Variants in EYS observed in about 807,000 individuals in gnomAD.
EYS encodes EGF-like photoreceptor maintenance factor.
EYS carries 250 observed loss-of-function variants against 282.1 expected under a neutral mutation model. The ratio of observed to expected loss-of-function variants is 0.89; its 90% CI spans 0.80 to 0.98. The LOEUF (loss-of-function observed/expected upper bound fraction) is 0.98, where lower values mean the gene tolerates loss of function less well. Ranked by LOEUF, EYS falls within the 50% of genes least tolerant of loss-of-function variation. The pLI, the probability that EYS is intolerant of heterozygous loss-of-function variation, is 0.00. For synonymous variants in EYS, 1,355 were observed against 1,282.9 expected, an observed-to-expected ratio of 1.06 and a Z score of -1.20; for missense variants, 4,016 against 3,709.0, an observed-to-expected ratio of 1.08 and a Z score of -2.15.
At chr6:65,264,988 T>C (rs377213857) in intron 12 of EYS, among the ~76,000 whole-genome samples, 2 of 151,990 alleles carry the variant, frequency 1.3e-5, no homozygotes, top group East Asian at 3.9e-4. Flanking sequence ...ATTGCATTGA[T>C]TTTTACCCTC....
intron 37 of EYS, among the ~76,000 whole-genome samples, chr6:63,798,965 ATATATATATATGTATATGTGTG>A (rs1318072566): frequency 0.021 from 2,635 of 123,762 alleles, 35 homozygotes; most frequent in East Asian, 0.066. Context: ...GTATATGTGT[ATATATATATATGTATATGTGTG>A]TATATATATA....
intron 31 of EYS, among the ~76,000 whole-genome samples, chr6:64,125,154 G>GCGCGCGCGCGCTCTC (rs1773724746): frequency 2.8e-5 from 4 of 145,332 alleles, no homozygotes; most frequent in African/African-American, 1.0e-4. Context: ...CACACTCTCT[G>GCGCGCGCGCGCTCTC]TCTCTCTCTC....
intron 2 of EYS, among the ~76,000 whole-genome samples, chr6:65,517,817 T>A (rs546576555): frequency 6.6e-6 from 1 of 152,070 alleles, no homozygotes; most frequent in Non-Finnish European, 1.5e-5. Context: ...AATAAAAAAA[T>A]TCAAGAATAT....
At chr6:64,316,019 C>G (rs775846529) in intron 29 of EYS, among the ~76,000 whole-genome samples, 46 of 152,248 alleles carry the variant, frequency 3.0e-4, no homozygotes, top group Non-Finnish European at 4.9e-4. Flanking sequence ...ATTCAACAAC[C>G]CTTCATGCTA....
intron 33 of EYS, among the ~76,000 whole-genome samples, chr6:64,032,054 A>C (rs575340941): frequency 6.6e-6 from 1 of 151,994 alleles, no homozygotes; most frequent in East Asian, 1.9e-4. Context: ...CTGCAGCTTC[A>C]CCCCTGAAGC....
chr6:64,827,883 A>G (rs1489667513), intron 19 of EYS, among the ~76,000 whole-genome samples: 2 of 151,924 alleles, frequency 1.3e-5, no homozygotes, highest in Non-Finnish European at 2.9e-5. Context: ...ATCAAAAATT[A>G]TGAAATGTAA....
rs1011725679 is a variant in EYS, at chr6:64,639,464, T to C, written c.3444-13219A>G. 2.2e-4 allele frequency among the ~76,000 whole-genome samples: 20 copies of C among 91,376 alleles called. 8 individuals carry two copies. Among genetic ancestry groups the C allele is most frequent in the Non-Finnish European group, 3.3e-4 (14 of 42,428 alleles). 59.9% of individuals were successfully genotyped at this position (91,376 alleles called of 152,430 possible). A position where few individuals can be genotyped will look rare whatever the true frequency, so the allele number is the denominator to read the frequency against. ...TCTTAATATACAAACCTTGAAACAT[T>C]CTATAAATTAAAAAGCGTTTTGCAG... On this transcript the variant is annotated intron_variant, in intron 22 of 42. Transcript: ENST00000503581.
chr6:63,919,689 G>T (rs1764516877), intron 35 of EYS, among the ~76,000 whole-genome samples: 1 of 152,218 alleles, frequency 6.6e-6, no homozygotes, highest in Non-Finnish European at 1.5e-5. Flanking sequence ...TAGGTGAAAG[G>T]AAAGTGGCGA....
At chr6:64,936,980 G>A (rs1768928140) in intron 15 of EYS, among the ~76,000 whole-genome samples, 1 of 151,406 alleles carries the variant, frequency 6.6e-6, no homozygotes, top group Admixed American at 6.6e-5. Flanking sequence ...ATAGAATAGA[G>A]GGTCTAGAAA....
chr6:64,925,973 G>A (rs969089244), intron 15 of EYS, among the ~76,000 whole-genome samples: 1 of 152,156 alleles, frequency 6.6e-6, no homozygotes, highest in Admixed American at 6.5e-5. Context: ...CCCAGGATGG[G>A]GAATGAGAGA....
At chr6:65,329,971 A>G (rs1325344410) in intron 11 of EYS, 2 of 979,496 alleles carry the variant, frequency 2.0e-6, no homozygotes, top group Admixed American at 6.2e-5. Flanking sequence ...TACACAGAAA[A>G]TGTGAATCTC....
chr6:64,594,869 A>G (rs796790721), intron 24 of EYS, among the ~76,000 whole-genome samples: 7 of 151,980 alleles, frequency 4.6e-5, no homozygotes, highest in African/African-American at 1.4e-4. Flanking sequence ...ATTATATAAA[A>G]AAAAGAAAAG....
chr6:64,572,610 A>T (rs1328839843), intron 26 of EYS, among the ~76,000 whole-genome samples: 4 of 152,214 alleles, frequency 2.6e-5, no homozygotes, highest in Admixed American at 2.0e-4. Context: ...CAAAAATCAC[A>T]AGCATTCCTA....
chr6:64,251,941 A>T (rs1322619054), intron 30 of EYS, among the ~76,000 whole-genome samples: 3 of 152,164 alleles, frequency 2.0e-5, no homozygotes, highest in Non-Finnish European at 2.9e-5. Context: ...AGGAGATTTC[A>T]AGGTGGAAAA....
At chr6:65,405,068 A>G (rs990405489) in intron 6 of EYS, 106 bp downstream of exon 6, 2 of 800,884 alleles carry the variant, frequency 2.5e-6, no homozygotes, top group Non-Finnish European at 4.1e-6. Flanking sequence ...GAGTTTAACA[A>G]TTAAACTACC....
At chr6:64,270,760 C>G (rs759961455) in intron 30 of EYS, among the ~76,000 whole-genome samples, 40 of 152,162 alleles carry the variant, frequency 2.6e-4, no homozygotes, top group Non-Finnish European at 4.1e-4. Flanking sequence ...CTGGTTTAGT[C>G]TCTTCAGCCC....
At chr6:64,540,763 C>T (rs1454816946) in intron 26 of EYS, among the ~76,000 whole-genome samples, 1 of 152,158 alleles carries the variant, frequency 6.6e-6, no homozygotes, top group Non-Finnish European at 1.5e-5. Flanking sequence ...GGATTACAGG[C>T]ATGAGCCATC....
At chr6:64,436,692 C>G (rs1226848909) in intron 27 of EYS, among the ~76,000 whole-genome samples, 7 of 151,806 alleles carry the variant, frequency 4.6e-5, no homozygotes, top group Admixed American at 1.3e-4. Flanking sequence ...ATTGTGAAAA[C>G]TAACCATTCA....
chr6:64,604,222 C>G (rs1201709153), intron 24 of EYS, among the ~76,000 whole-genome samples: 4 of 151,978 alleles, frequency 2.6e-5, no homozygotes, highest in African/African-American at 7.2e-5. Flanking sequence ...AATATCCTGT[C>G]ATGAAAGTTT....
Sources: gnomAD v4.1 joint callset for allele counts (sites outside exome capture counted in the v4.1 genomes callset) on GRCh38, gnomAD v4.1.1 for gene constraint, MANE v1.5 for transcripts, NCBI Gene and HGNC (gene_info 2026-07-23, HGNC 2026-07-21) for gene names.